PHF19: variants seen among roughly 807,000 people sequenced by gnomAD.
The protein encoded by PHF19 is polycomb like 3.
PHF19 carries 21 observed loss-of-function variants against 79.8 expected under a neutral mutation model. The ratio of observed to expected loss-of-function variants is 0.26; its 90% CI spans 0.19 to 0.38. PHF19 has a LOEUF of 0.38. PHF19 is among the 10% of genes least tolerant of loss of function. The pLI, the probability that PHF19 is intolerant of heterozygous loss-of-function variation, is 1.00. For synonymous variants in PHF19, 273 were observed against 296.3 expected (o/e 0.92, Z 0.81); for missense variants, 445 against 744.2 (o/e 0.60, Z 4.68).
At chr9:120,892,431 C>T (rs1379972286) in intron 1 of PHF19, among the ~76,000 whole-genome samples, 1 of 152,140 alleles carries the variant, frequency 6.6e-6, no homozygotes, top group Non-Finnish European at 1.5e-5. Context: ...GACATTGTTC[C>T]TCACGTTTAA....
rs942609287 is a variant in PHF19 at position 120,857,161 on chromosome 9, G to A, written c.*783C>T. 7.3e-6 allele frequency: 1 copy of A among 136,620 alleles called. No individual in the cohort carries two copies. The highest frequency in any genetic ancestry group is 1.5e-5 in the Non-Finnish European group (1 of 65,582). 8.5% of individuals were successfully genotyped at this position (136,620 alleles called of 1,614,324 possible). Reference sequence around the variant, plus strand: ...CCCCCCACCCCCGTCCCCCAGGTTTGGAAGGATGCCTCCATTCCAGCAAGG... The same window carrying A: ...CCCCCCACCCCCGTCCCCCAGGTTTAGAAGGATGCCTCCATTCCAGCAAGG... On this transcript the variant is annotated 3_prime_UTR_variant, in exon 15 of 15. Coordinates refer to ENST00000373896, the MANE Select transcript of PHF19 (RefSeq NM_015651.3).
chr9:120,885,872 AC>A (rs1488461921), intron 1 of PHF19, among the ~76,000 whole-genome samples: 26 of 152,252 alleles, frequency 1.7e-4, no homozygotes, highest in African/African-American at 6.3e-4. Flanking sequence ...TACCTAAGTG[AC>A]CTTCAGGACC....
chr9:120,876,428 C>CGGGCGGGGGCCCCCGGGT (rs1554820476), intron 1 of PHF19: 4 of 152,080 alleles, frequency 2.6e-5, no homozygotes, highest in Non-Finnish European at 4.4e-5. Flanking sequence ...CCACCCTGGC[C>CGGGCGGGGGCCCCCGGGT]GGGCGGGGGC....
Position 120,862,754 on chromosome 9 carries a change from G to A in PHF19, c.969-5C>T, listed in dbSNP as rs2297576. 411 of 1,613,954 alleles carry A rather than the reference G, an allele frequency of 2.5e-4. 2 individuals are homozygous for A. The East Asian group carries it at 7.3e-3, about 29-fold the overall frequency. ...ATCTCCTTGCCGCAGAGGAACCTGG[G>A]GGTGGGCAGTGGGAGGAAGAAGCTC... On this transcript the variant is annotated splice_region_variant and splice_polypyrimidine_tract_variant and intron_variant, in intron 10 of 14. Coordinates refer to ENST00000373896, the MANE Select transcript of PHF19 (RefSeq NM_015651.3). The surrounding 1 kb of genome is among the most constrained non-coding windows in gnomAD (Gnocchi z 4.6).
At chr9:120,879,903 T>C (rs1317335276), upstream of PHF19, among the ~76,000 whole-genome samples, 1 of 151,694 alleles carries the variant, frequency 6.6e-6, no homozygotes, top group East Asian at 1.9e-4. Context: ...TGTGAAAAGG[T>C]GCTCAACCTT....
chr9:120,884,596 G>A (rs1333783528), intron 1 of PHF19, among the ~76,000 whole-genome samples: 1 of 152,138 alleles, frequency 6.6e-6, no homozygotes, highest in Non-Finnish European at 1.5e-5. Flanking sequence ...TTGAACCCAG[G>A]TGATATGGTG....
intron 3 of PHF19, among the ~76,000 whole-genome samples, chr9:120,872,841 C>G (rs1467396408): frequency 1.3e-5 from 2 of 151,982 alleles, no homozygotes; most frequent in Non-Finnish European, 2.9e-5. Context: ...AGGCCAGTCT[C>G]AAACTCCTGA....
At chr9:120,884,087 T>C (rs747688341) in intron 1 of PHF19, among the ~76,000 whole-genome samples, 13 of 152,248 alleles carry the variant, frequency 8.5e-5, no homozygotes, top group Non-Finnish European at 1.8e-4. Flanking sequence ...AAGGTTGTTA[T>C]ATAAAGATTT....
intron 9 of PHF19, among the ~76,000 whole-genome samples, chr9:120,865,108 C>T (rs1212700391): frequency 6.6e-6 from 1 of 152,052 alleles, no homozygotes; most frequent in Non-Finnish European, 1.5e-5. Context: ...TTTTTAAATT[C>T]CTTTTCATCA....
chr9:120,868,710 C>T, intron 6 of PHF19: 1 of 527,982 alleles, frequency 1.9e-6, no homozygotes, highest in Non-Finnish European at 2.4e-6. Flanking sequence ...CAGGGACCGC[C>T]CCTTGAGGCC....
At chr9:120,858,811 T>A (rs1236584062) in intron 14 of PHF19, among the ~76,000 whole-genome samples, 2 of 122,802 alleles carry the variant, frequency 1.6e-5, no homozygotes, top group Non-Finnish European at 3.5e-5. Context: ...CTGACAGACA[T>A]CACACACACA....
intron 1 of PHF19, among the ~76,000 whole-genome samples, chr9:120,883,522 G>A (rs953504794): frequency 6.6e-6 from 1 of 152,186 alleles, no homozygotes. Context: ...ACTTTGGGAG[G>A]CTGAGGTGGG....
chr9:120,869,054 C>A lies in PHF19; in HGVS notation c.614+128G>T, dbSNP rs1442964873. On this transcript the variant is annotated intron_variant, in intron 6 of 14. Transcript: ENST00000373896. This position sits in a 1 kb window ranked among gnomAD's most constrained non-coding sequence, Gnocchi z 5.8. ...TCGAGGCCCCGCCCCCACAGCGCAA[C>A]ACACTGGGCCCGCCCTCAAGGTCCC... 4.5e-5 allele frequency: 47 copies of A among 1,033,140 alleles called. No individual in the cohort carries two copies. The highest frequency in any genetic ancestry group is 7.4e-5 in the South Asian group (4 of 53,924). The allele number at this position is 1,033,140 out of a possible 1,614,324, so 64.0% of individuals were successfully genotyped here.
At chr9:120,879,316 A>G (rs1353281372), upstream of PHF19, among the ~76,000 whole-genome samples, 3 of 152,210 alleles carry the variant, frequency 2.0e-5, no homozygotes, top group African/African-American at 7.2e-5. Context: ...ACACAGGTGG[A>G]TGAGAGACAA....
chr9:120,873,305 T>C (rs1421910487), intron 3 of PHF19, among the ~76,000 whole-genome samples: 1 of 152,210 alleles, frequency 6.6e-6, no homozygotes, highest in Non-Finnish European at 1.5e-5. Flanking sequence ...TGATGTCTGT[T>C]GTGTGTATGG....
chr9:120,899,979 T>C, the PHF19 span, among the ~76,000 whole-genome samples: 1 of 152,222 alleles, frequency 6.6e-6, no homozygotes, highest in Non-Finnish European at 1.5e-5. Context: ...GGAATGGCCT[T>C]GAGCAACTGA....
chr9:120,875,592 C>G (rs2046023428), intron 1 of PHF19, among the ~76,000 whole-genome samples: 2 of 152,220 alleles, frequency 1.3e-5, no homozygotes, highest in African/African-American at 4.8e-5. Flanking sequence ...TTCCATCCTC[C>G]TGCCCTGGTC....
chr9:120,867,088 G>A (rs2045726202), intron 6 of PHF19, 123 bp from the exon 7 acceptor site: 2 of 658,820 alleles, frequency 3.0e-6, no homozygotes, highest in South Asian at 3.4e-5. Context: ...TTCAGTTACT[G>A]AGCACTTAGG....
At position 120,872,037 on chromosome 9, in the gene PHF19, C is replaced by CAAAAAAAAAGAAAAAAAAAAAAAAAAAAA. The variant is rs2045912428; in HGVS notation, c.269-1500_269-1499insTTTTTTTTTTTTTTTTTTTCTTTTTTTTT. On this transcript the variant is annotated intron_variant, in intron 3 of 14. Coordinates refer to ENST00000373896, the MANE Select transcript of PHF19 (RefSeq NM_015651.3). ...TGGGTGACAGAGCAAGACTCTGTCT[C>CAAAAAAAAAGAAAAAAAAAAAAAAAAAAA]AAAAAAAAAAAAAAAAAAAAAAAAA... 9.9e-5 allele frequency among the ~76,000 whole-genome samples: 3 copies of CAAAAAAAAAGAAAAAAAAAAAAAAAAAAA among 30,322 alleles called. 1 individual carries two copies. The highest frequency in any genetic ancestry group is 1.2e-3 in the Admixed American group (2 of 1,674). The allele number at this position is 30,322 out of a possible 152,430, so 19.9% of individuals were successfully genotyped here. A position where few individuals can be genotyped will look rare whatever the true frequency, so the allele number is the denominator to read the frequency against.
Sources: gnomAD v4.1 joint callset for allele counts (sites outside exome capture counted in the v4.1 genomes callset) on GRCh38, gnomAD v4.1.1 for gene constraint, Gnocchi (gnomAD v3.1) non-coding constraint, MANE v1.5 for transcripts, NCBI Gene and HGNC (gene_info 2026-07-23, HGNC 2026-07-21) for gene names.